DCC: variants seen among roughly 807,000 people sequenced by gnomAD.
The protein encoded by DCC is DCC netrin 1 receptor.
A neutral mutation model predicts 172.5 loss-of-function variants in DCC; 58 were observed. That is an observed-to-expected ratio of 0.34 (90% CI 0.27 to 0.42). The LOEUF is 0.42. Ranked by LOEUF, DCC falls within the 10% of genes least tolerant of loss-of-function variation. DCC has a pLI of 1.00. For synonymous variants in DCC, 709 were observed against 644.5 expected (o/e 1.10, Z -1.52); for missense variants, 1,740 against 1,791.0 (o/e 0.97, Z 0.51).
At chr18:52,967,630 T>C (rs190018965) in intron 5 of DCC, among the ~76,000 whole-genome samples, 61 of 152,366 alleles carry the variant, frequency 4.0e-4, no homozygotes, top group African/African-American at 1.5e-3. Context: ...GGTTAATCTA[T>C]ACTTTCTTCT....
chr18:53,228,864 A>C (rs2144610770), intron 12 of DCC, among the ~76,000 whole-genome samples: 2 of 152,314 alleles, frequency 1.3e-5, no homozygotes, highest in Non-Finnish European at 2.9e-5. Context: ...CTTCTAGTGC[A>C]TTATTAGTTG....
At chr18:52,555,384 T>A (rs952288250) in intron 1 of DCC, among the ~76,000 whole-genome samples, 2 of 152,164 alleles carry the variant, frequency 1.3e-5, no homozygotes, top group African/African-American at 4.8e-5. Context: ...TATGTATTAA[T>A]GATTTGAAGA....
intron 1 of DCC, among the ~76,000 whole-genome samples, chr18:52,598,842 G>A (rs984602671): frequency 6.6e-6 from 1 of 152,170 alleles, no homozygotes; most frequent in Non-Finnish European, 1.5e-5. Context: ...GTCTGGGAGG[G>A]CTGTTCTCTG....
intron 1 of DCC, among the ~76,000 whole-genome samples, chr18:52,515,276 C>T (rs201957824): frequency 1.3e-5 from 2 of 152,034 alleles, no homozygotes; most frequent in African/African-American, 4.8e-5. Flanking sequence ...TGAACCTCCA[C>T]GTATATCTTA....
At chr18:53,010,436 A>T (rs2041710927) in intron 5 of DCC, among the ~76,000 whole-genome samples, 1 of 151,794 alleles carries the variant, frequency 6.6e-6, no homozygotes, top group South Asian at 2.1e-4. Context: ...AATCTAAGCC[A>T]GACTTCTTTG....
intron 25 of DCC, among the ~76,000 whole-genome samples, chr18:53,472,250 A>G (rs1295405587): frequency 6.6e-6 from 1 of 152,192 alleles, no homozygotes; most frequent in Non-Finnish European, 1.5e-5. Context: ...AAAGGATTGG[A>G]GAGTTTAAGT....
rs1235704148 is a variant in DCC, at chr18:52,670,381, T to C, written c.92-81673T>C. Reference sequence around the variant, plus strand: ...TTAAGTGACTCAGTCCTAAATGAAATCAGGATATGTCTAAGTAAAATGCTA... The same window carrying C: ...TTAAGTGACTCAGTCCTAAATGAAACCAGGATATGTCTAAGTAAAATGCTA... On this transcript the variant is annotated intron_variant, in intron 1 of 28. Transcript: ENST00000442544. 2.6e-5 allele frequency among the ~76,000 whole-genome samples: 4 copies of C among 152,294 alleles called. No individual in the cohort carries two copies. The South Asian group carries it at 6.2e-4, about 24-fold the overall frequency.
chr18:52,831,589 G>A (rs188919949), intron 2 of DCC, among the ~76,000 whole-genome samples: 2 of 152,142 alleles, frequency 1.3e-5, no homozygotes, highest in East Asian at 3.9e-4. Context: ...TTAGATGTGG[G>A]GTCTGAGACA....
chr18:52,522,817 C>T (rs978194213), intron 1 of DCC, among the ~76,000 whole-genome samples: 1 of 152,008 alleles, frequency 6.6e-6, no homozygotes, highest in Non-Finnish European at 1.5e-5. Flanking sequence ...TTATAGTACC[C>T]CACCTCAAGA....
chr18:53,391,514 T>G, intron 16 of DCC, 141 bp from the exon 17 acceptor site: 1 of 667,208 alleles, frequency 1.5e-6, no homozygotes, highest in Non-Finnish European at 2.7e-6. Flanking sequence ...ATTACATTTT[T>G]TTCTGTTCTT....
At chr18:52,428,239 T>G (rs1987507515) in intron 1 of DCC, among the ~76,000 whole-genome samples, 1 of 152,134 alleles carries the variant, frequency 6.6e-6, no homozygotes, top group African/African-American at 2.4e-5. Flanking sequence ...TCCTGCTTAA[T>G]GACAGGTTGG....
At chr18:52,664,951 T>C (rs1006578735) in intron 1 of DCC, among the ~76,000 whole-genome samples, 1 of 152,228 alleles carries the variant, frequency 6.6e-6, no homozygotes, top group African/African-American at 2.4e-5. Flanking sequence ...TCTCAGATGC[T>C]GCCCTCTGCA....
chr18:52,753,487 C>A (rs62081902), intron 2 of DCC, among the ~76,000 whole-genome samples: 15,102 of 152,238 alleles, frequency 0.099, 956 homozygotes, highest in Middle Eastern at 0.22. Flanking sequence ...TTTTACTTTA[C>A]AGCTTCATTA....
chr18:53,260,060 C>T (rs529267279), intron 12 of DCC, among the ~76,000 whole-genome samples: 3 of 152,250 alleles, frequency 2.0e-5, no homozygotes, highest in Non-Finnish European at 4.4e-5. Context: ...CCATCAGGTC[C>T]TTTAAGGACT....
chr18:53,331,674 G>A (rs753687635), intron 14 of DCC, among the ~76,000 whole-genome samples: 1 of 152,154 alleles, frequency 6.6e-6, no homozygotes, highest in Non-Finnish European at 1.5e-5. Flanking sequence ...ATGCCAACCT[G>A]CTACCCTAAA....
At chr18:52,498,621 C>A (rs1488993264) in intron 1 of DCC, among the ~76,000 whole-genome samples, 2 of 151,736 alleles carry the variant, frequency 1.3e-5, no homozygotes, top group East Asian at 3.9e-4. Flanking sequence ...GAGACTCTGT[C>A]TCAAAAAAAC....
chr18:52,559,312 C>T (rs1358523097), intron 1 of DCC, among the ~76,000 whole-genome samples: 1 of 152,124 alleles, frequency 6.6e-6, no homozygotes, highest in African/African-American at 2.4e-5. Context: ...AGGGTTTCAC[C>T]GTGTTAGCCA....
At chr18:52,795,384 A>C (rs2037854875) in intron 2 of DCC, among the ~76,000 whole-genome samples, 1 of 151,992 alleles carries the variant, frequency 6.6e-6, no homozygotes, top group Non-Finnish European at 1.5e-5. Flanking sequence ...TGTTTCCTCT[A>C]GATTTTCTAA....
At chr18:53,237,424 A>G (rs192090842) in intron 12 of DCC, among the ~76,000 whole-genome samples, 12 of 152,288 alleles carry the variant, frequency 7.9e-5, no homozygotes, top group African/African-American at 2.9e-4. Context: ...GTGGATGAAC[A>G]AAGTAAGGGT....
Sources: gnomAD v4.1 joint callset for allele counts (sites outside exome capture counted in the v4.1 genomes callset) on GRCh38, gnomAD v4.1.1 for gene constraint, MANE v1.5 for transcripts, NCBI Gene and HGNC (gene_info 2026-07-23, HGNC 2026-07-21) for gene names.